The following SLC24A3 variants were observed in gnomAD, a reference collection of about 807,000 sequenced individuals.
The protein encoded by SLC24A3 is sodium/potassium/calcium exchanger 3.
A neutral mutation model predicts 75.8 loss-of-function variants in SLC24A3; 28 were observed. The observed-to-expected ratio is 0.37, with a 90% CI of 0.27 to 0.51. The LOEUF (loss-of-function observed/expected upper bound fraction) is 0.51, where lower values mean the gene tolerates loss of function less well. SLC24A3 is among the 20% of genes least tolerant of loss of function. The pLI is 0.94. For synonymous variants in SLC24A3, 372 were observed against 334.1 expected, an observed-to-expected ratio of 1.11 and a Z score of -1.24; for missense variants, 663 against 847.8, an observed-to-expected ratio of 0.78 and a Z score of 2.71.
At chr20:19,392,442 T>C (rs1249440954) in intron 2 of SLC24A3, among the ~76,000 whole-genome samples, 1 of 152,208 alleles carries the variant, frequency 6.6e-6, no homozygotes, top group Non-Finnish European at 1.5e-5. Context: ...TATGGAGTGA[T>C]GAGAAATGTT....
At chr20:19,377,413 G>T (rs1270242674) in intron 2 of SLC24A3, among the ~76,000 whole-genome samples, 7 of 152,118 alleles carry the variant, frequency 4.6e-5, no homozygotes, top group Admixed American at 4.6e-4. Flanking sequence ...TGTGTTACAA[G>T]CACAGTTGAA....
chr20:19,601,202 C>A (rs79128293), intron 6 of SLC24A3, among the ~76,000 whole-genome samples: 4,088 of 152,298 alleles, frequency 0.027, 160 homozygotes, highest in African/African-American at 0.094. Flanking sequence ...GTGTTGCCAG[C>A]AAGAGTTTGG....
intron 2 of SLC24A3, among the ~76,000 whole-genome samples, chr20:19,493,628 G>T (rs140778549): frequency 6.6e-6 from 1 of 152,174 alleles, no homozygotes; most frequent in South Asian, 2.1e-4. Flanking sequence ...TCAGGGGGTG[G>T]GTAAGAGGAG....
intron 2 of SLC24A3, among the ~76,000 whole-genome samples, chr20:19,478,620 C>CT (rs963007495): frequency 2.0e-5 from 3 of 152,158 alleles, no homozygotes; most frequent in African/African-American, 7.2e-5. Context: ...TTCTCAGCCC[C>CT]TTTTGGGGGA....
intron 6 of SLC24A3, among the ~76,000 whole-genome samples, chr20:19,627,058 A>G (rs1440739963): frequency 6.6e-6 from 1 of 152,252 alleles, no homozygotes. Flanking sequence ...GAGCGAAGCC[A>G]CTTAGAGCGT....
At chr20:19,600,036 T>A (rs919922631) in intron 6 of SLC24A3, among the ~76,000 whole-genome samples, 4 of 152,144 alleles carry the variant, frequency 2.6e-5, no homozygotes, top group African/African-American at 4.8e-5. Context: ...ATGCTACCTG[T>A]GAAGGTCCAG....
At chr20:19,339,406 G>C (rs1030667060) in intron 2 of SLC24A3, among the ~76,000 whole-genome samples, 1 of 152,126 alleles carries the variant, frequency 6.6e-6, no homozygotes, top group Non-Finnish European at 1.5e-5. Flanking sequence ...CTATCACTCA[G>C]TCTATATAAC....
chr20:19,679,501 C>CGGAGAGGGGGACCGTGG (rs2032581765), intron 9 of SLC24A3, among the ~76,000 whole-genome samples: 1 of 107,116 alleles, frequency 9.3e-6, no homozygotes, highest in African/African-American at 3.3e-5. Flanking sequence ...TGGAAAGAGA[C>CGGAGAGGGGGACCGTGG]GGAGAGGGAG....
chr20:19,669,720 C>T (rs1478032107), intron 8 of SLC24A3, among the ~76,000 whole-genome samples: 1 of 151,988 alleles, frequency 6.6e-6, no homozygotes, highest in African/African-American at 2.4e-5. Flanking sequence ...CCTGGGATTG[C>T]AACCTGGAAA....
At chr20:19,667,190 C>G (rs181035632) in intron 8 of SLC24A3, among the ~76,000 whole-genome samples, 3 of 152,238 alleles carry the variant, frequency 2.0e-5, no homozygotes, top group African/African-American at 7.2e-5. Context: ...ATGTTACTTG[C>G]TATGTCAAGG....
Position 19,666,021 on chromosome 20 carries a change from G to A in SLC24A3, c.713+132G>A, listed in dbSNP as rs956848565. 1.5e-5 allele frequency: 15 copies of A among 1,003,924 alleles called. No homozygotes were observed. In the Admixed American group the frequency reaches 3.5e-4, roughly 23 times the overall value. The allele number at this position is 1,003,924 out of a possible 1,614,324, so 62.2% of individuals were successfully genotyped here. A position where few individuals can be genotyped will look rare whatever the true frequency, so the allele number is the denominator to read the frequency against. On this transcript the variant is annotated intron_variant, in intron 8 of 16. Transcript: ENST00000328041. ...GCTTAGAATGAGGAGAATTTCCTAG[G>A]AACCCTCTGCACACCTCAGGGGAGA...
At chr20:19,509,898 T>A (rs1335304464) in intron 2 of SLC24A3, among the ~76,000 whole-genome samples, 2 of 152,232 alleles carry the variant, frequency 1.3e-5, no homozygotes, top group Non-Finnish European at 2.9e-5. Context: ...AATGTTGGCA[T>A]TGAGCCCCAC....
intron 2 of SLC24A3, among the ~76,000 whole-genome samples, chr20:19,310,938 C>A (rs1984441965): frequency 6.6e-6 from 1 of 152,148 alleles, no homozygotes; most frequent in South Asian, 2.1e-4. Flanking sequence ...TTGCTGGAGT[C>A]TTTCTGAAAG....
At chr20:19,705,329 C>G (rs1263528923) in intron 15 of SLC24A3, among the ~76,000 whole-genome samples, 1 of 152,072 alleles carries the variant, frequency 6.6e-6, no homozygotes, top group Non-Finnish European at 1.5e-5. Flanking sequence ...TTGTTCAGTC[C>G]CTGGTCCCTC....
At chr20:19,537,734 T>TG (rs1341161928) in intron 3 of SLC24A3, among the ~76,000 whole-genome samples, 1 of 152,048 alleles carries the variant, frequency 6.6e-6, no homozygotes, top group African/African-American at 2.4e-5. Context: ...TGTAGGGACA[T>TG]GGATGAAGCT....
chr20:19,663,806 C>G (rs1360420214), intron 7 of SLC24A3, among the ~76,000 whole-genome samples: 1 of 152,076 alleles, frequency 6.6e-6, no homozygotes, highest in African/African-American at 2.4e-5. Context: ...TGGGGTCCCT[C>G]CTAAAATTAA....
intron 6 of SLC24A3, among the ~76,000 whole-genome samples, chr20:19,641,425 G>A (rs994175044): frequency 6.6e-6 from 1 of 152,150 alleles, no homozygotes; most frequent in African/African-American, 2.4e-5. Flanking sequence ...AATATAAAAG[G>A]GATATTAAAA....
chr20:19,294,588 C>CAT lies in SLC24A3; in HGVS notation c.271+13512_271+13513dup, dbSNP rs766556839. ...GAGGATAATGGCTTCCAGCTCCATC[C>CAT]ATATATATATATGCAAAGGACACTA... is the stretch of plus-strand genomic sequence containing the variant. On this transcript the variant is annotated intron_variant, in intron 2 of 16. Coordinates refer to ENST00000328041, the MANE Select transcript of SLC24A3 (RefSeq NM_020689.4). Among the ~76,000 whole-genome samples the CAT allele has an allele frequency of 1.2e-3, 180 of 151,866 alleles. 1 individual carries two copies. Among genetic ancestry groups the CAT allele is most frequent in the Admixed American group, 2.2e-3 (34 of 15,248 alleles).
intron 2 of SLC24A3, among the ~76,000 whole-genome samples, chr20:19,498,863 C>A (rs1193567115): frequency 6.6e-6 from 1 of 152,190 alleles, no homozygotes; most frequent in Non-Finnish European, 1.5e-5. Flanking sequence ...ACTTCCTATG[C>A]CAGATCATAA....
Sources: gnomAD v4.1 joint callset for allele counts (sites outside exome capture counted in the v4.1 genomes callset) on GRCh38, gnomAD v4.1.1 for gene constraint, MANE v1.5 for transcripts, NCBI Gene and HGNC (gene_info 2026-07-23, HGNC 2026-07-21) for gene names.